REEP3: variants seen among roughly 807,000 people sequenced by gnomAD.
The protein encoded by REEP3 is receptor expression-enhancing protein 3.
A neutral mutation model predicts 41.3 loss-of-function variants in REEP3; 20 were observed. That is an observed-to-expected ratio of 0.48 (90% CI 0.34 to 0.70). REEP3 has a LOEUF of 0.70. Among genes scored for constraint, REEP3 ranks in the 30% least tolerant of loss-of-function variants. The probability of loss-of-function intolerance (pLI) is 0.01; values close to 1 mark genes in which losing one functional copy is unlikely to be tolerated. For missense variants in REEP3, 271 were observed against 308.8 expected (o/e 0.88, Z 0.92); for synonymous variants, 104 against 101.8 (o/e 1.02, Z -0.13).
At chr10:63,574,765 T>G (rs1039211967) in intron 2 of REEP3, among the ~76,000 whole-genome samples, 5 of 152,040 alleles carry the variant, frequency 3.3e-5, no homozygotes, top group African/African-American at 1.2e-4. Context: ...TTGTTTTGGA[T>G]TCTCTGATTT....
chr10:63,598,301 G>A (rs1170704787), intron 4 of REEP3, among the ~76,000 whole-genome samples, 157 bp downstream of exon 4: 3 of 151,520 alleles, frequency 2.0e-5, no homozygotes, highest in Non-Finnish European at 2.9e-5. Flanking sequence ...CCAACATGGT[G>A]AAACCCCACC....
chr10:63,562,728 A>T (rs1052642702), intron 1 of REEP3: 11 of 418,084 alleles, frequency 2.6e-5, no homozygotes, highest in Middle Eastern at 3.5e-4. Context: ...AAACAAACTA[A>T]CTATAAATGA....
At chr10:63,596,100 T>C (rs1444100601) in intron 3 of REEP3, among the ~76,000 whole-genome samples, 2 of 152,198 alleles carry the variant, frequency 1.3e-5, no homozygotes, top group Non-Finnish European at 2.9e-5. Flanking sequence ...TTAGGTCCTA[T>C]TGGATTTGCA....
At chr10:63,535,841 G>A (rs55977136) in intron 1 of REEP3, among the ~76,000 whole-genome samples, 2,902 of 152,148 alleles carry the variant, frequency 0.019, 91 homozygotes, top group African/African-American at 0.064. Flanking sequence ...AAAATAAATC[G>A]TAAATGTATT....
chr10:63,544,713 G>T (rs1338502995), intron 1 of REEP3, among the ~76,000 whole-genome samples: 1 of 152,146 alleles, frequency 6.6e-6, no homozygotes, highest in Non-Finnish European at 1.5e-5. Flanking sequence ...TACTGGGTTT[G>T]CATGTGTTCA....
intron 1 of REEP3, among the ~76,000 whole-genome samples, chr10:63,551,930 G>T (rs1955632429): frequency 6.6e-6 from 1 of 152,154 alleles, no homozygotes; most frequent in African/African-American, 2.4e-5. Context: ...AGAGAAATCA[G>T]TTGTGGAGTT....
intron 1 of REEP3, among the ~76,000 whole-genome samples, chr10:63,526,124 G>A (rs1955362178): frequency 1.3e-5 from 2 of 152,082 alleles, no homozygotes. Context: ...TTTGTGTGTA[G>A]GTAACATAAT....
chr10:63,594,880 C>G, intron 3 of REEP3, 26 bp downstream of exon 3: 2 of 1,368,488 alleles, frequency 1.5e-6, no homozygotes, highest in Non-Finnish European at 2.1e-6. Context: ...GAGAAGGGGC[C>G]AGACTACAGA....
intron 1 of REEP3, among the ~76,000 whole-genome samples, chr10:63,543,807 G>A (rs905627419): frequency 3.9e-5 from 6 of 152,052 alleles, no homozygotes; most frequent in Non-Finnish European, 8.8e-5. Flanking sequence ...ACATAATATC[G>A]TCTGATGACA....
At chr10:63,529,723 C>G (rs1955400964) in intron 1 of REEP3, among the ~76,000 whole-genome samples, 1 of 151,620 alleles carries the variant, frequency 6.6e-6, no homozygotes, top group Non-Finnish European at 1.5e-5. Flanking sequence ...CCACCTTGGC[C>G]TCCCAAAGTG....
chr10:63,622,945 TC>T lies in REEP3; in HGVS notation c.*2078del, dbSNP rs1014687780. The T allele has an allele frequency of 3.9e-5, 6 of 152,366 alleles. No individual in the cohort carries two copies. The highest frequency in any genetic ancestry group is 7.3e-5 in the Non-Finnish European group (5 of 68,096). The allele number at this position is 152,366 out of a possible 1,614,324, so 9.4% of individuals were successfully genotyped here. ...TGGTCTCCATCTCTTGACCTCGTGA[TC>T]CGCCCGCCTCGGCCTCCCAAACTTC... On this transcript the variant is annotated 3_prime_UTR_variant, in exon 8 of 8. Transcript: ENST00000373758.
At chr10:63,613,794 C>T (rs1169275065) in intron 6 of REEP3, among the ~76,000 whole-genome samples, 1 of 152,126 alleles carries the variant, frequency 6.6e-6, no homozygotes, top group Non-Finnish European at 1.5e-5. Context: ...AGTTATATCT[C>T]TGCCTCAAAT....
At chr10:63,527,547 G>A (rs1305730403) in intron 1 of REEP3, among the ~76,000 whole-genome samples, 1 of 151,934 alleles carries the variant, frequency 6.6e-6, no homozygotes, top group African/African-American at 2.4e-5. Flanking sequence ...TGGGCGTGGT[G>A]GTACATGCCT....
intron 1 of REEP3, among the ~76,000 whole-genome samples, chr10:63,566,119 C>A (rs577131760): frequency 1.3e-5 from 2 of 152,176 alleles, no homozygotes; most frequent in South Asian, 4.1e-4. Flanking sequence ...CTCCTGACCT[C>A]GTGATCCACC....
At chr10:63,568,297 T>C (rs1955819099) in intron 2 of REEP3, among the ~76,000 whole-genome samples, 1 of 151,176 alleles carries the variant, frequency 6.6e-6, no homozygotes, top group Non-Finnish European at 1.5e-5. Context: ...GACGGAGTCT[T>C]GCTCTGTCAC....
chr10:63,577,399 G>A (rs565136761), intron 2 of REEP3, among the ~76,000 whole-genome samples: 4 of 152,184 alleles, frequency 2.6e-5, no homozygotes, highest in African/African-American at 9.6e-5. Context: ...CAGATGTACA[G>A]CCATCCTTCC....
At chr10:63,609,883 C>T (rs1274835543) in intron 5 of REEP3, among the ~76,000 whole-genome samples, 1 of 152,182 alleles carries the variant, frequency 6.6e-6, no homozygotes, top group Non-Finnish European at 1.5e-5. Context: ...GCTGTTTACT[C>T]TGAGGGTAAG....
Position 63,623,136 on chromosome 10 carries a change from T to C in REEP3, c.*2267T>C, listed in dbSNP as rs188639839. 3 of 152,340 alleles carry C rather than the reference T, an allele frequency of 2.0e-5. No homozygotes were observed. The East Asian group carries it at 5.8e-4, about 29-fold the overall frequency. The allele number at this position is 152,340 out of a possible 1,614,324, so 9.4% of individuals were successfully genotyped here. A position where few individuals can be genotyped will look rare whatever the true frequency, so the allele number is the denominator to read the frequency against. The stretch of plus-strand genomic sequence containing the variant: ...ACTCAAAATTCTTTATCAAAGATAG[T>C]CTCAAAGAGGTAGTACAAGTCCTGT... On this transcript the variant is annotated 3_prime_UTR_variant, in exon 8 of 8. Coordinates refer to ENST00000373758, the MANE Select transcript of REEP3 (RefSeq NM_001001330.3).
At chr10:63,523,550 C>G (rs983989001) in intron 1 of REEP3, among the ~76,000 whole-genome samples, 10 of 152,090 alleles carry the variant, frequency 6.6e-5, no homozygotes, top group Admixed American at 1.3e-4. Context: ...GTAGGAGGAT[C>G]GCTCAAATTC....
Sources: gnomAD v4.1 joint callset for allele counts (sites outside exome capture counted in the v4.1 genomes callset) on GRCh38, gnomAD v4.1.1 for gene constraint, MANE v1.5 for transcripts, NCBI Gene and HGNC (gene_info 2026-07-23, HGNC 2026-07-21) for gene names.